DNAH5: variants seen among roughly 807,000 people sequenced by gnomAD.
DNAH5 encodes the protein axonemal beta dynein heavy chain 5.
Under a neutral mutation model 518.2 loss-of-function variants are expected in DNAH5, and 372 were observed. The ratio of observed to expected loss-of-function variants is 0.72; its 90% CI spans 0.66 to 0.78. DNAH5 has a LOEUF of 0.78. DNAH5 is among the 30% of genes least tolerant of loss of function. The pLI is 0.00. For synonymous variants in DNAH5, 2,039 were observed against 2,025.9 expected, an observed-to-expected ratio of 1.01 and a Z score of -0.17; for missense variants, 5,523 against 5,687.0, an observed-to-expected ratio of 0.97 and a Z score of 0.93.
intron 1 of DNAH5, among the ~76,000 whole-genome samples, chr5:13,961,909 T>A (rs1262217260): frequency 8.4e-6 from 1 of 118,814 alleles, no homozygotes; most frequent in Non-Finnish European, 1.8e-5. Context: ...GCTTTTATTA[T>A]TTGTTTATAT....
Position 13,839,947 on chromosome 5 carries a change from G to A in DNAH5, c.5710-419C>T, listed in dbSNP as rs112016153. On this transcript the variant is annotated intron_variant, in intron 34 of 78. Coordinates refer to ENST00000265104, the MANE Select transcript of DNAH5 (RefSeq NM_001369.3). The stretch of plus-strand genomic sequence containing the variant: ...ATCTCTTAAGACTATAACAAAGTAC[G>A]CTGTTGGGGTTTTTTAATCCAGTAA... Among the ~76,000 whole-genome samples, 503 of 152,226 alleles carry A rather than the reference G, an allele frequency of 3.3e-3. 3 individuals are homozygous for A. The highest frequency in any genetic ancestry group is 0.011 in the African/African-American group (461 of 41,508).
intron 69 of DNAH5, 40 bp downstream of exon 69, chr5:13,729,399 C>A (rs761536106): frequency 1.3e-5 from 21 of 1,612,550 alleles, no homozygotes; most frequent in Non-Finnish European, 1.5e-5. Flanking sequence ...GAAAGCTGCT[C>A]AACATGACAT....
At chr5:13,842,481 A>AAGAG (rs199616844) in intron 32 of DNAH5, among the ~76,000 whole-genome samples, 1 of 54,044 alleles carries the variant, frequency 1.9e-5, no homozygotes, top group African/African-American at 9.8e-5. Flanking sequence ...GAAAGAAAGA[A>AAGAG]AGAGAAAGAA....
At chr5:13,938,304 C>T (rs1436629496) in intron 1 of DNAH5, among the ~76,000 whole-genome samples, 1 of 152,132 alleles carries the variant, frequency 6.6e-6, no homozygotes, top group Non-Finnish European at 1.5e-5. Flanking sequence ...TATCACAATG[C>T]CTACAGCATT....
At chr5:13,961,196 C>T (rs536069608) in intron 1 of DNAH5, among the ~76,000 whole-genome samples, 1 of 152,152 alleles carries the variant, frequency 6.6e-6, no homozygotes, top group South Asian at 2.1e-4. Context: ...ATATAAAAAT[C>T]ATCTTTTTAA....
chr5:13,786,181 T>A lies in DNAH5; in HGVS notation c.8818A>T (p.Lys2940Ter), dbSNP rs932286708. ...FFADAMVHLVKISRVIRTPQG... is the reference protein window; with the variant it reads ...FFADAMVHLV ...ACTACTCAGAGTGGCTACTGTACCT[T>A]GACTAAGTGAACCATGGCATCTGCA... Residue 2940 changes from lysine (K) to a stop codon, truncating the protein, a stop_gained and splice_region_variant, in exon 52 of 79, where the codon AAG (lysine) becomes TAG (stop). Coordinates refer to ENST00000265104, the MANE Select transcript of DNAH5 (RefSeq NM_001369.3). LOFTEE classifies it high-confidence loss of function. The A allele has an allele frequency of 1.9e-6, 3 of 1,613,782 alleles. No homozygotes were observed. The highest frequency in any genetic ancestry group is 2.5e-6 in the Non-Finnish European group (3 of 1,179,896).
chr5:13,871,468 T>G (rs1333035667), intron 23 of DNAH5, 96 bp downstream of exon 23: 1 of 1,139,214 alleles, frequency 8.8e-7, no homozygotes, highest in African/African-American at 1.6e-5. Flanking sequence ...AAGTCAATCT[T>G]TAAGACAGGT....
In DNAH5 at chr5:13,814,686, G is replaced by A. The variant is rs2151800283; in HGVS notation, c.7149C>T (p.Asp2383=). The A allele has an allele frequency of 1.2e-6, 2 of 1,614,094 alleles. No homozygotes were observed. The highest frequency in any genetic ancestry group is 1.3e-5 in the African/African-American group (1 of 75,048). The change falls in exon 43 of 79, where the codon GAC becomes GAT. Residue 2383 remains aspartate, a synonymous_variant. Coordinates refer to ENST00000265104, the MANE Select transcript of DNAH5 (RefSeq NM_001369.3). ...CKIIFEPHNI[D]NASPATVSRN... ...TTGAGACGGTGGCAGGAGAAGCATT[G>A]TCAATGTTATGAGGCTCGAAAATGA...
chr5:13,713,466 T>TATATATATATAC (rs1158251022), intron 75 of DNAH5, among the ~76,000 whole-genome samples: 9 of 98,282 alleles, frequency 9.2e-5, no homozygotes, highest in African/African-American at 4.3e-4. Flanking sequence ...TATATATATA[T>TATATATATATAC]ACACACACCG....
rs762978621 is a variant in DNAH5 at position 13,714,606 on chromosome 5, A to G, written c.12924T>C (p.Tyr4308=). 1.9e-6 allele frequency: 3 copies of G among 1,614,044 alleles called. No homozygotes were observed. The highest frequency in any genetic ancestry group is 2.5e-6 in the Non-Finnish European group (3 of 1,180,004). Residue 4308 remains tyrosine, a synonymous_variant, in exon 75 of 79, where the codon TAT becomes TAC. Transcript: ENST00000265104. ...YLQYIQSLPA[Y]DSPEVFGLHP... ...GCAGCCCAAACACCTCAGGGCTGTC[A>G]TAGGCAGGCAAACTCTGAACAACAG...
At chr5:13,774,032 GC>G (rs1352849286) in intron 55 of DNAH5, among the ~76,000 whole-genome samples, 1 of 152,162 alleles carries the variant, frequency 6.6e-6, no homozygotes, top group Admixed American at 6.6e-5. Context: ...ACGAAGGCCT[GC>G]TAAAGGTTGT....
intron 71 of DNAH5, among the ~76,000 whole-genome samples, chr5:13,719,808 C>T (rs1300791783): frequency 2.0e-5 from 3 of 152,142 alleles, no homozygotes; most frequent in Non-Finnish European, 4.4e-5. Flanking sequence ...AGCATACACC[C>T]TTTAGCATGT....
chr5:14,004,460 C>T (rs1361944594), intron 1 of DNAH5, among the ~76,000 whole-genome samples: 3 of 152,210 alleles, frequency 2.0e-5, no homozygotes, highest in African/African-American at 4.8e-5. Context: ...AGTTAAAGAA[C>T]AAGGAGTCCT....
At chr5:13,856,531 T>C (rs975379121) in intron 30 of DNAH5, among the ~76,000 whole-genome samples, 11 of 152,218 alleles carry the variant, frequency 7.2e-5, no homozygotes, top group Middle Eastern at 3.4e-3. Flanking sequence ...GCCAGCATCA[T>C]CCTCATACCA....
chr5:13,789,457 TGTTTATATA>T (rs2126885619), intron 50 of DNAH5, among the ~76,000 whole-genome samples: 1 of 152,338 alleles, frequency 6.6e-6, no homozygotes, highest in South Asian at 2.1e-4. Flanking sequence ...TCAATACTCC[TGTTTATATA>T]GCAAGAATAA....
chr5:13,867,200 T>A (rs978769450), intron 25 of DNAH5, among the ~76,000 whole-genome samples: 1 of 152,210 alleles, frequency 6.6e-6, no homozygotes, highest in Admixed American at 6.5e-5. Flanking sequence ...GAAATTATTA[T>A]GTATGAAATC....
At position 13,885,149 on chromosome 5, in the gene DNAH5, G is replaced by T. The variant is rs757208843; in HGVS notation, c.2823C>A (p.Val941=). ...TCTCAGTTTCTTTCTTTTTCCTCGT[G>T]ACTGTCGTCAAAAGCAGGGCATTGG... ...ARANALLLTT[V]TRKKKETEML... The change falls in exon 19 of 79, where the codon GTC becomes GTA. Residue 941 remains valine, a synonymous_variant. Transcript: ENST00000265104. 6.8e-6 allele frequency: 11 copies of T among 1,614,070 alleles called. No individual in the cohort carries two copies. Among genetic ancestry groups the T allele is most frequent in the South Asian group, 2.2e-5 (2 of 91,058 alleles).
intron 57 of DNAH5, 99 bp downstream of exon 57, chr5:13,769,402 A>C (rs1165090756): frequency 1.9e-6 from 2 of 1,034,178 alleles, no homozygotes; most frequent in African/African-American, 3.1e-5. Flanking sequence ...AAGTTAATGT[A>C]TACTTCACTA....
rs917039152 is a variant in DNAH5, at chr5:13,798,397, C to T, written c.7888-4339G>A. The stretch of plus-strand genomic sequence containing the variant: ...GGCACTGCAAAGCAAACAGAAAGGG[C>T]TTTGAAGTTCTCAAACTCCAGAAGC... On this transcript the variant is annotated intron_variant, in intron 47 of 78. Transcript: ENST00000265104. 5.3e-5 allele frequency among the ~76,000 whole-genome samples: 8 copies of T among 152,176 alleles called. No homozygotes were observed. The East Asian group carries it at 1.5e-3, about 29-fold the overall frequency.
Sources: gnomAD v4.1 joint callset for allele counts (sites outside exome capture counted in the v4.1 genomes callset) on GRCh38, gnomAD v4.1.1 for gene constraint, MANE v1.5 for transcripts, NCBI Gene and HGNC (gene_info 2026-07-23, HGNC 2026-07-21) for gene names.